MUCL1: variants seen among roughly 807,000 people sequenced by gnomAD.
MUCL1 encodes mucin-like protein 1.
In MUCL1, 11 loss-of-function variants were observed where a neutral mutation model predicts 9.2. The observed-to-expected ratio is 1.19, with a 90% CI of 0.75 to 1.97. The LOEUF is 1.97. Ranked by LOEUF, MUCL1 falls within the 30% of genes most tolerant of loss-of-function variation. The pLI is 0.00. For missense variants in MUCL1, 144 were observed against 110.9 expected (o/e 1.30, Z -1.34); for synonymous variants, 48 against 40.5 (o/e 1.19, Z -0.71).
intron 1 of MUCL1, among the ~76,000 whole-genome samples, chr12:54,847,792 T>C (rs928578802): frequency 2.6e-5 from 4 of 152,182 alleles, no homozygotes; most frequent in Non-Finnish European, 5.9e-5. Flanking sequence ...TAATTTGAGA[T>C]TGAATGGCAA....
chr12:54,830,805 CA>C (rs1397802063), exon 1 of MUCL1: 1 of 151,860 alleles, frequency 6.6e-6, no homozygotes, highest in Non-Finnish European at 1.5e-5. Context: ...GAGGGATCCC[CA>C]AAAGCAATGA....
rs150031514 is a variant in MUCL1, at chr12:54,840,529, C to T, written c.43+1082C>T. Among the ~76,000 whole-genome samples, 338 of 152,222 alleles carry T rather than the reference C, an allele frequency of 2.2e-3. 3 individuals are homozygous for T. Among genetic ancestry groups the T allele is most frequent in the African/African-American group, 7.2e-3 (298 of 41,536 alleles). On this transcript the variant is annotated intron_variant, in intron 1 of 3. Transcript: ENST00000546809. ...TGGGATTGGTGTTTTCCTTATATTA[C>T]CCAAGGGAGGTACTCTAGTGCCTCA... is the stretch of plus-strand genomic sequence containing the variant.
chr12:54,844,115 G>T (rs549982114), intron 1 of MUCL1, among the ~76,000 whole-genome samples: 59 of 152,008 alleles, frequency 3.9e-4, no homozygotes, highest in African/African-American at 1.4e-3. Flanking sequence ...AGGATATACT[G>T]GTGTCATCAA....
upstream of MUCL1, among the ~76,000 whole-genome samples, chr12:54,853,093 T>C (rs1868267502): frequency 1.3e-5 from 2 of 152,136 alleles, no homozygotes; most frequent in African/African-American, 4.8e-5. Flanking sequence ...CTGGTTGCTG[T>C]TATCAGACAG....
intron 2 of MUCL1, among the ~76,000 whole-genome samples, chr12:54,856,284 A>C (rs1457283396): frequency 6.6e-6 from 1 of 152,094 alleles, no homozygotes; most frequent in African/African-American, 2.4e-5. Context: ...AAGACAGGAG[A>C]TATGACTCTA....
At chr12:54,849,220 G>A (rs1959300876) in intron 1 of MUCL1, among the ~76,000 whole-genome samples, 1 of 152,030 alleles carries the variant, frequency 6.6e-6, no homozygotes, top group South Asian at 2.1e-4. Context: ...ACATATATTT[G>A]CCTATTATAA....
intron 1 of MUCL1, among the ~76,000 whole-genome samples, chr12:54,849,403 T>A (rs1009253806): frequency 6.6e-6 from 1 of 152,148 alleles, no homozygotes; most frequent in Non-Finnish European, 1.5e-5. Context: ...CTCATTGTTT[T>A]GGCCCATCTA....
At chr12:54,833,823 G>A (rs1481456749) in intron 1 of MUCL1, among the ~76,000 whole-genome samples, 3 of 150,542 alleles carry the variant, frequency 2.0e-5, no homozygotes, top group Non-Finnish European at 4.4e-5. Context: ...GACTGTTGTG[G>A]GGTTGGGGGA....
At chr12:54,852,614 A>G (rs143420769), upstream of MUCL1, among the ~76,000 whole-genome samples, 1,088 of 152,262 alleles carry the variant, frequency 7.1e-3, 13 homozygotes, top group African/African-American at 0.025. Flanking sequence ...CCTAACTGAT[A>G]CATATGTTTA....
Position 54,841,707 on chromosome 12 carries a change from T to C in MUCL1, c.43+2260T>C, listed in dbSNP as rs1959212957. 6.6e-5 allele frequency among the ~76,000 whole-genome samples: 10 copies of C among 152,340 alleles called. 1 individual carries two copies. In the South Asian group the frequency reaches 2.1e-3, roughly 32 times the overall value. On this transcript the variant is annotated intron_variant, in intron 1 of 3. Coordinates refer to the MUCL1 transcript ENST00000546809. ...TTAGCTTACTATTAGTATTTTTAGT[T>C]GTTGATTTTGAATATTAACCCTTTA...
intron 1 of MUCL1, among the ~76,000 whole-genome samples, chr12:54,844,307 C>A (rs1959230963): frequency 6.6e-6 from 1 of 151,972 alleles, no homozygotes; most frequent in Non-Finnish European, 1.5e-5. Context: ...TATGGTAATG[C>A]AAATTAAGGT....
At chr12:54,830,873 C>A (rs567320769) in exon 1 of MUCL1, 1 of 152,292 alleles carries the variant, frequency 6.6e-6, no homozygotes, top group Admixed American at 6.5e-5. Context: ...TTTGTACACT[C>A]AGGTGAGTGT....
upstream of MUCL1, chr12:54,839,245 G>C: frequency 1.6e-6 from 1 of 637,226 alleles, no homozygotes. Flanking sequence ...TCAGCTACTG[G>C]TTGTAGTACA....
upstream of MUCL1, among the ~76,000 whole-genome samples, chr12:54,836,333 G>A (rs1224320187): frequency 2.0e-5 from 3 of 152,088 alleles, no homozygotes; most frequent in Non-Finnish European, 4.4e-5. Context: ...AGGGTTGTAT[G>A]TTTCTAGAAA....
chr12:54,840,034 C>T (rs1028199282), intron 1 of MUCL1, among the ~76,000 whole-genome samples: 4 of 152,174 alleles, frequency 2.6e-5, no homozygotes, highest in Admixed American at 6.5e-5. Context: ...ATTCCCCCTG[C>T]CCCTGGAAGT....
upstream of MUCL1, among the ~76,000 whole-genome samples, chr12:54,837,091 G>A (rs1177016858): frequency 2.0e-5 from 3 of 152,026 alleles, no homozygotes; most frequent in African/African-American, 7.2e-5. Context: ...ATATTTGTCA[G>A]GTCAATTTTT....
rs749871269 is a variant in MUCL1 at position 54,854,562 on chromosome 12, C to T, written c.-21C>T. 135 of 1,609,662 alleles carry T rather than the reference C, an allele frequency of 8.4e-5. 2 individuals are homozygous for T. In the Middle Eastern group the frequency reaches 1.2e-3, roughly 14 times the overall value. ...CTTTGAAGCATTTTTGTCTGTGCTC[C>T]CTGATCTTCAGGTCACCACCATGAA... On this transcript the variant is annotated 5_prime_UTR_variant, in exon 1 of 4. Coordinates refer to ENST00000308796, the MANE Select transcript of MUCL1 (RefSeq NM_058173.3).
At position 54,856,810 on chromosome 12, in the gene MUCL1, T is replaced by C; in HGVS notation, c.141T>C (p.Thr47=). Reference sequence around the variant, plus strand: ...ATGAAGCCCCTGATGCTGAAACCACTGCTGCTGCAACCACTGCAACCACTG... The same window carrying C: ...ATGAAGCCCCTGATGCTGAAACCACCGCTGCTGCAACCACTGCAACCACTG... ...ADDEAPDAET[T]AAATTATTAA... Residue 47 remains threonine, a synonymous_variant, in exon 3 of 4, where the codon ACT becomes ACC. Transcript: ENST00000308796. 1 of 1,612,494 alleles carries C rather than the reference T, an allele frequency of 6.2e-7. No homozygotes were observed. The highest frequency in any genetic ancestry group is 8.5e-7 in the Non-Finnish European group (1 of 1,178,962).
chr12:54,844,588 C>A (rs778552493), intron 1 of MUCL1, among the ~76,000 whole-genome samples: 1 of 152,192 alleles, frequency 6.6e-6, no homozygotes, highest in African/African-American at 2.4e-5. Flanking sequence ...ATCTCCTTAA[C>A]TAGATCTAGC....
Sources: allele counts gnomAD v4.1 joint callset (sites outside exome capture counted in the v4.1 genomes callset), GRCh38; gene constraint gnomAD v4.1.1; transcripts MANE v1.5; gene names NCBI Gene and HGNC (gene_info 2026-07-23, HGNC 2026-07-21).